Variants in ZNF619 observed in about 807,000 individuals in gnomAD.
ZNF619 encodes zinc finger protein 619.
Under a neutral mutation model 14.2 loss-of-function variants are expected in ZNF619, and 9 were observed. That is an observed-to-expected ratio of 0.64 (90% CI 0.38 to 1.11). The LOEUF is 1.11. Ranked by LOEUF, ZNF619 falls within the 50% of genes least tolerant of loss-of-function variation. The pLI is 0.01. For synonymous variants in ZNF619, 246 were observed against 252.8 expected (o/e 0.97, Z 0.26); for missense variants, 659 against 680.1 (o/e 0.97, Z 0.34).
At chr3:40,482,727 C>T in intron 4 of ZNF619, 23 bp downstream of exon 4, 2 of 1,559,004 alleles carry the variant, frequency 1.3e-6, no homozygotes, top group Non-Finnish European at 1.7e-6. Flanking sequence ...GCCTACCATC[C>T]TCCTTTCCAG....
intron 1 of ZNF619, chr3:40,477,650 A>AT (rs1278324907): frequency 1.4e-4 from 48 of 339,866 alleles, no homozygotes; most frequent in South Asian, 2.3e-4. Context: ...GGGGCCAAGA[A>AT]TTTTTTTTAA....
Position 40,487,173 on chromosome 3 carries a change from G to C in ZNF619, c.663G>C (p.Leu221=). ...SYYNPHSDFH[L]HQRVHTNEKP... ...ACAACCCACATTCAGACTTTCACCTGCATCAGAGAGTTCACACTAATGAGA... is the reference window on the plus strand; with the variant it reads ...ACAACCCACATTCAGACTTTCACCTCCATCAGAGAGTTCACACTAATGAGA... The change falls in exon 5 of 5, where the codon CTG becomes CTC. Residue 221 remains leucine, a synonymous_variant. Transcript: ENST00000432264. 1 of 1,614,194 alleles carries C rather than the reference G, an allele frequency of 6.2e-7. No homozygotes were observed. Among genetic ancestry groups the C allele is most frequent in the Non-Finnish European group, 8.5e-7 (1 of 1,180,048 alleles).
rs2125644162 is a variant in ZNF619, at chr3:40,487,349, A to G, written c.839A>G (p.Lys280Arg). The G allele has an allele frequency of 1.2e-6, 2 of 1,614,198 alleles. No individual in the cohort carries two copies. The highest frequency in any genetic ancestry group is 4.5e-5 in the East Asian group (2 of 44,890). The change falls in exon 5 of 5, where the codon AAG (lysine) becomes AGG (arginine). Residue 280 changes from lysine (K) to arginine (R), a missense_variant. Physicochemically the swap from Lys to Arg is conservative, Grantham distance 26. Transcript: ENST00000432264. The stretch of plus-strand genomic sequence containing the variant: ...AATTCCCACCTTCTTCAGCATCAGA[A>G]GCTCCATGGTGGACAGAGGCCCTAT... ...SQNSHLLQHQ[K>R]LHGGQRPYEC... is the part of the protein sequence containing the mutation.
rs769457170 is a variant in ZNF619, at chr3:40,488,066, CCTTAT to C, written c.1560_1564del (p.Leu520PhefsTer21). On this transcript the variant is annotated frameshift_variant, in exon 5 of 5. Coordinates refer to ENST00000432264, the MANE Select transcript of ZNF619 (RefSeq NM_001145093.4). LOFTEE classifies it low-confidence loss of function (END_TRUNC). ...TCTGCCCTAGCCCCACCAGGGCCTC[CCTTAT>C]CTTCTTCACATGCAGTGGTACTTCC... 17 of 1,614,102 alleles carry C rather than the reference CCTTAT, an allele frequency of 1.1e-5. No individual in the cohort carries two copies. The Middle Eastern group carries it at 6.6e-4, about 62-fold the overall frequency.
Position 40,487,751 on chromosome 3 carries a change from G to A in ZNF619, c.1241G>A (p.Arg414His), listed in dbSNP as rs747347391. 1.4e-5 allele frequency: 23 copies of A among 1,612,798 alleles called. No individual in the cohort carries two copies. In the Admixed American group the frequency reaches 1.5e-4, roughly 11 times the overall value. ...ECWKTFSCSS[R>H]FIVHQRIHNG... is the part of the protein sequence containing the mutation. ...TGGAAAACTTTCAGCTGTAGCTCCC[G>A]CTTCATAGTGCATCAGAGAATCCAC... is the stretch of plus-strand genomic sequence containing the variant. Residue 414 changes from arginine (R) to histidine (H), a missense_variant, in exon 5 of 5, where the codon CGC becomes CAC. By Grantham distance (29) the Arg-to-His change is conservative. Transcript: ENST00000432264.
intron 4 of ZNF619, chr3:40,483,765 A>G (rs892434020): frequency 2.7e-6 from 1 of 372,102 alleles, no homozygotes; most frequent in African/African-American, 2.2e-5. Flanking sequence ...AGTAGCTGGG[A>G]TTATAGGCAT....
chr3:40,481,750 G>C, intron 2 of ZNF619, 113 bp from the exon 3 acceptor site: 1 of 1,404,784 alleles, frequency 7.1e-7, no homozygotes. Flanking sequence ...CCCTGCTGGG[G>C]TCCTGTGTGG....
chr3:40,480,738 G>A (rs1263722939), intron 2 of ZNF619, among the ~76,000 whole-genome samples: 1 of 152,076 alleles, frequency 6.6e-6, no homozygotes, highest in Non-Finnish European at 1.5e-5. Flanking sequence ...CTGACCTCGC[G>A]ATCTGCCCGC....
intron 3 of ZNF619, chr3:40,482,383 C>T: frequency 7.6e-6 from 12 of 1,579,758 alleles, no homozygotes; most frequent in Non-Finnish European, 1.0e-5. Context: ...TACACACCCC[C>T]CAGTGACTCT....
In ZNF619 at chr3:40,487,725, T is replaced by C; in HGVS notation, c.1215T>C (p.Cys405=). The C allele has an allele frequency of 6.2e-7, 1 of 1,614,050 alleles. No homozygotes were observed. Among genetic ancestry groups the C allele is most frequent in the Non-Finnish European group, 8.5e-7 (1 of 1,180,034 alleles). The change falls in exon 5 of 5, where the codon TGT becomes TGC. Residue 405 remains cysteine, a synonymous_variant. Transcript: ENST00000432264. ...AACAACTCTACAAATGTAATGAATGTTGGAAAACTTTCAGCTGTAGCTCCC... is the reference window on the plus strand; with the variant it reads ...AACAACTCTACAAATGTAATGAATGCTGGAAAACTTTCAGCTGTAGCTCCC... ...TGEQLYKCNE[C]WKTFSCSSRF... is the part of the protein sequence containing the mutation.
chr3:40,486,773 A>C, intron 4 of ZNF619, 33 bp from the exon 5 acceptor site: 1 of 1,512,034 alleles, frequency 6.6e-7, no homozygotes, highest in Non-Finnish European at 8.9e-7. Context: ...GGAATAAATA[A>C]GGGACTTTTA....
rs150160128 is a variant in ZNF619, at chr3:40,478,378, A to G, written c.24+375A>G. 1.5e-3 allele frequency among the ~76,000 whole-genome samples: 231 copies of G among 152,272 alleles called. 2 individuals are homozygous for G. The highest frequency in any genetic ancestry group is 2.7e-3 in the Admixed American group (41 of 15,290). On this transcript the variant is annotated intron_variant, in intron 2 of 4. Coordinates refer to ENST00000432264, the MANE Select transcript of ZNF619 (RefSeq NM_001145093.4). Reference sequence around the variant, plus strand: ...CTGGAAAATTAAAGGGCAGATTAAAATTTGAGGAGTGCTAGTCTGCGTTCA... The same window carrying G: ...CTGGAAAATTAAAGGGCAGATTAAAGTTTGAGGAGTGCTAGTCTGCGTTCA...
Position 40,490,974 on chromosome 3 carries a change from A to G in ZNF619, c.*2733A>G, listed in dbSNP as rs1697786730. ...GCTTTCCATCATGTTATGACACAGC[A>G]AGAAGGCCAGATACGGCCCCTCCAC... On this transcript the variant is annotated 3_prime_UTR_variant, in exon 5 of 5. Transcript: ENST00000432264. Among the ~76,000 whole-genome samples, 1 of 152,158 alleles carries G rather than the reference A, an allele frequency of 6.6e-6. No individual in the cohort carries two copies. The highest frequency in any genetic ancestry group is 1.5e-5 in the Non-Finnish European group (1 of 68,036).
chr3:40,487,682 A>G lies in ZNF619; in HGVS notation c.1172A>G (p.Gln391Arg). The G allele has an allele frequency of 1.9e-6, 3 of 1,614,162 alleles. No individual in the cohort carries two copies. The highest frequency in any genetic ancestry group is 2.5e-6 in the Non-Finnish European group (3 of 1,180,040). ...FHRSSVFLQHQRFHTGEQLYK... is the reference protein window; with the variant it reads ...FHRSSVFLQHRRFHTGEQLYK... ...CGCAGTTCGGTATTTCTTCAGCACC[A>G]GAGGTTCCACACTGGGGAACAACTC... Residue 391 changes from glutamine to arginine, a missense_variant, in exon 5 of 5, where the codon CAG becomes CGG. Transcript: ENST00000432264.
intron 2 of ZNF619, among the ~76,000 whole-genome samples, chr3:40,478,449 A>C (rs1697273179): frequency 6.6e-6 from 1 of 152,200 alleles, no homozygotes; most frequent in Non-Finnish European, 1.5e-5. Context: ...AGACACTTCC[A>C]AGGGAGGAGT....
rs141561716 is a variant in ZNF619, at chr3:40,482,142, C to G, written c.178+126C>G. On this transcript the variant is annotated intron_variant, in intron 3 of 4. Transcript: ENST00000432264. ...GCCCTATGGGCTGAGCTCCCTAATC[C>G]CCAGTGCCAGGGGTAGCTGGATGGA... The G allele has an allele frequency of 7.6e-3, 11,749 of 1,548,018 alleles. 61 individuals are homozygous for G. The highest frequency in any genetic ancestry group is 0.016 in the Middle Eastern group (90 of 5,622).
chr3:40,484,775 G>T (rs1433631373), intron 4 of ZNF619, among the ~76,000 whole-genome samples: 1 of 152,126 alleles, frequency 6.6e-6, no homozygotes, highest in East Asian at 1.9e-4. Flanking sequence ...CACCTTTTGG[G>T]AAAGTGCAGC....
rs770353812 is a variant in ZNF619, at chr3:40,487,967, G to A, written c.1457G>A (p.Gly486Glu). The A allele has an allele frequency of 3.1e-6, 5 of 1,614,080 alleles. No homozygotes were observed. The highest frequency in any genetic ancestry group is 4.2e-6 in the Non-Finnish European group (5 of 1,180,042). The change falls in exon 5 of 5, where the codon GGA (glycine) becomes GAA (glutamate). Residue 486 changes from glycine (G) to glutamate (E), a missense_variant. By Grantham distance (98) the Gly-to-Glu change is moderately conservative. Transcript: ENST00000432264. Reference sequence around the variant, plus strand: ...CATACTAGGAAGAAACTCATCAATGGAACAGGGCTATCCGCAGTTAAGCCC... The same window carrying A: ...CATACTAGGAAGAAACTCATCAATGAAACAGGGCTATCCGCAGTTAAGCCC... ...KWHTRKKLIN[G>E]TGLSAVKPYC...
chr3:40,487,971 A>T lies in ZNF619; in HGVS notation c.1461A>T (p.Thr487=). The part of the protein sequence containing the change: ...WHTRKKLING[T]GLSAVKPYCP... ...CTAGGAAGAAACTCATCAATGGAAC[A>T]GGGCTATCCGCAGTTAAGCCCTACT... The change falls in exon 5 of 5, where the codon ACA becomes ACT. Residue 487 remains threonine, a synonymous_variant. Coordinates refer to ENST00000432264, the MANE Select transcript of ZNF619 (RefSeq NM_001145093.4). 6.2e-7 allele frequency: 1 copy of T among 1,614,234 alleles called. No homozygotes were observed. The highest frequency in any genetic ancestry group is 1.6e-4 in the Middle Eastern group (1 of 6,062).
Sources: allele counts gnomAD v4.1 joint callset (sites outside exome capture counted in the v4.1 genomes callset), GRCh38; gene constraint gnomAD v4.1.1; transcripts MANE v1.5; gene names NCBI Gene and HGNC (gene_info 2026-07-23, HGNC 2026-07-21).